The following CAPN13 variants were observed in gnomAD, a reference collection of about 807,000 sequenced individuals.
CAPN13 encodes the protein calpain-13.
A neutral mutation model predicts 98.4 loss-of-function variants in CAPN13; 90 were observed. The ratio of observed to expected loss-of-function variants is 0.92; its 90% CI spans 0.77 to 1.09. The LOEUF (loss-of-function observed/expected upper bound fraction) is 1.09, where lower values mean the gene tolerates loss of function less well. Among genes scored for constraint, CAPN13 ranks in the 50% least tolerant of loss-of-function variants. CAPN13 has a pLI of 0.00. For synonymous variants in CAPN13, 330 were observed against 305.5 expected, an observed-to-expected ratio of 1.08 and a Z score of -0.84; for missense variants, 887 against 841.3, an observed-to-expected ratio of 1.05 and a Z score of -0.67.
At chr2:30,733,926 G>A (rs191166915) in intron 19 of CAPN13, among the ~76,000 whole-genome samples, 126 of 152,316 alleles carry the variant, frequency 8.3e-4, no homozygotes, top group East Asian at 3.3e-3. Flanking sequence ...GAGATGACGC[G>A]AACAGAAGTG....
At position 30,745,733 on chromosome 2, in the gene CAPN13, GC is replaced by G. The variant is rs769100756; in HGVS notation, c.1237del (p.Ala413LeufsTer35). 2.5e-6 allele frequency: 4 copies of G among 1,596,176 alleles called. No individual in the cohort carries two copies. In the African/African-American group the frequency reaches 4.0e-5, roughly 16 times the overall value. ...KFPLDFQVILAGSQRFREKFP... is the reference protein window; with the variant it reads ...KFPLDFQVILXGSQRFREKFP... ...GACGCTGAGCCATACCTGTGAGCCA[GC>G]CTGTTGGAAACAGGGAGAAAGGCAG... On this transcript the variant is annotated frameshift_variant and splice_region_variant, in exon 12 of 23. Coordinates refer to ENST00000295055, the MANE Select transcript of CAPN13 (RefSeq NM_144575.3). LOFTEE classifies it high-confidence loss of function.
chr2:30,731,373 C>T lies in CAPN13; in HGVS notation c.1954G>A (p.Gly652Arg). 6.2e-7 allele frequency: 1 copy of T among 1,611,086 alleles called. No homozygotes were observed. The highest frequency in any genetic ancestry group is 1.1e-5 in the South Asian group (1 of 90,534). ...AKTFRNLSKDGKGLYLTEMEW... is the reference protein window; with the variant it reads ...AKTFRNLSKDRKGLYLTEMEW... ...ATTTCTGTCAGGTAGAGTCCTTTTC[C>T]ATCCTTAGAGAGGTTGCGGAAGGTC... The change falls in exon 21 of 23, where the codon GGA becomes AGA. Residue 652 changes from glycine to arginine, a missense_variant. Coordinates refer to ENST00000295055, the MANE Select transcript of CAPN13 (RefSeq NM_144575.3).
intron 2 of CAPN13, among the ~76,000 whole-genome samples, chr2:30,778,580 T>C (rs191977204): frequency 7.9e-5 from 12 of 152,322 alleles, no homozygotes; most frequent in Non-Finnish European, 1.6e-4. Flanking sequence ...CAAACTGGAA[T>C]TGGATTCATT....
intron 8 of CAPN13, among the ~76,000 whole-genome samples, chr2:30,756,178 C>T (rs1374743836): frequency 2.6e-5 from 4 of 152,172 alleles, no homozygotes. Flanking sequence ...ATGCCCATGC[C>T]TGCAGGGGAT....
At chr2:30,785,345 G>A (rs900647411) in intron 2 of CAPN13, among the ~76,000 whole-genome samples, 1 of 152,174 alleles carries the variant, frequency 6.6e-6, no homozygotes, top group African/African-American at 2.4e-5. Flanking sequence ...AGTATGAGAA[G>A]ACACATGGAA....
intron 1 of CAPN13, among the ~76,000 whole-genome samples, chr2:30,793,525 C>T (rs1271960145): frequency 6.6e-6 from 1 of 151,532 alleles, no homozygotes; most frequent in Non-Finnish European, 1.5e-5. Flanking sequence ...CCAAATTTCT[C>T]TATAGGTTCA....
Position 30,734,447 on chromosome 2 carries a change from A to G in CAPN13, c.1798+2T>C. On this transcript the variant is annotated splice_donor_variant, in intron 19 of 22. Coordinates refer to ENST00000295055, the MANE Select transcript of CAPN13 (RefSeq NM_144575.3). LOFTEE classifies it high-confidence loss of function. The stretch of plus-strand genomic sequence containing the variant: ...ACCACAGCTCCAAAGTCCCCATTGT[A>G]CCTGTATTCTCTATGGCCTTCCACA... 1 of 1,613,046 alleles carries G rather than the reference A, an allele frequency of 6.2e-7. No homozygotes were observed. Among genetic ancestry groups the G allele is most frequent in the Non-Finnish European group, 8.5e-7 (1 of 1,179,264 alleles).
At chr2:30,796,173 T>TATATATATATACACATATATATAC (rs1674855913) in intron 1 of CAPN13, among the ~76,000 whole-genome samples, 1 of 139,146 alleles carries the variant, frequency 7.2e-6, no homozygotes, top group African/African-American at 2.9e-5. Context: ...TATATGTGTG[T>TATATATATATACACATATATATAC]ATATATATAT....
intron 3 of CAPN13, among the ~76,000 whole-genome samples, chr2:30,776,977 C>T (rs1336160165): frequency 6.6e-6 from 1 of 152,204 alleles, no homozygotes; most frequent in African/African-American, 2.4e-5. Context: ...GGCAAGCTGA[C>T]GTTTTGAAAG....
intron 1 of CAPN13, among the ~76,000 whole-genome samples, chr2:30,787,946 G>C (rs6737223): frequency 0.15 from 22,638 of 152,052 alleles, 1,999 homozygotes; most frequent in East Asian, 0.31. Flanking sequence ...AGAGGGTGTG[G>C]GCAGGGACTG....
In CAPN13 at chr2:30,764,123, G is replaced by T. The variant is rs579016; in HGVS notation, c.699+9C>A. 0.9 allele frequency: 1,407,975 copies of T among 1,557,016 alleles called. 637,233 individuals are homozygous for T. The highest frequency in any genetic ancestry group is 0.94 in the Admixed American group (48,184 of 51,532). On this transcript the variant is annotated intron_variant, in intron 6 of 22. Coordinates refer to ENST00000295055, the MANE Select transcript of CAPN13 (RefSeq NM_144575.3). ...TGAACTGGTGCAAAAGGGCTCCCCAGTGACTTACCCCACTTGGAGTGGCAC... is the reference window on the plus strand; with the variant it reads ...TGAACTGGTGCAAAAGGGCTCCCCATTGACTTACCCCACTTGGAGTGGCAC...
In CAPN13 at chr2:30,754,282, G is replaced by C; in HGVS notation, c.941+8C>G. On this transcript the variant is annotated splice_region_variant and intron_variant, in intron 9 of 22. Coordinates refer to ENST00000295055, the MANE Select transcript of CAPN13 (RefSeq NM_144575.3). ...TTTAAAACACCATTGTATAAGAAGG[G>C]TAAATACCAAAACTCGCCATCTTCC... 6.3e-7 allele frequency: 1 copy of C among 1,599,568 alleles called. No homozygotes were observed. Among genetic ancestry groups the C allele is most frequent in the East Asian group, 2.3e-5 (1 of 44,160 alleles).
At chr2:30,745,773 G>A (rs746229546) in intron 11 of CAPN13, 39 bp from the exon 12 acceptor site, 1 of 1,586,418 alleles carries the variant, frequency 6.3e-7, no homozygotes, top group South Asian at 1.1e-5. Context: ...TAGGAACTCA[G>A]ACGTAAACAA....
intron 2 of CAPN13, among the ~76,000 whole-genome samples, chr2:30,782,195 T>C (rs1296457947): frequency 6.6e-6 from 1 of 152,138 alleles, no homozygotes; most frequent in Non-Finnish European, 1.5e-5. Context: ...AATAATGTCT[T>C]CCATGTGACA....
intron 15 of CAPN13, chr2:30,741,552 G>A (rs1324478258): frequency 1.9e-6 from 2 of 1,071,942 alleles, no homozygotes; most frequent in Non-Finnish European, 2.3e-6. Context: ...GAGGAACGAT[G>A]CCAGGTTGGT....
Position 30,732,530 on chromosome 2 carries a change from A to G in CAPN13, c.1835T>C (p.Leu612Pro). ...LRGIFISREL[L>P]HLVTLRYSDS... ...GCTGTACCTGAGGGTCACCAGATGC[A>G]GCAGCTCACGGCTGATGAAGATCCC... The change falls in exon 20 of 23, where the codon CTG (leucine) becomes CCG (proline). Residue 612 changes from leucine to proline, a missense_variant. By Grantham distance (98) the Leu-to-Pro change is moderately conservative. Transcript: ENST00000295055. The G allele has an allele frequency of 6.2e-7, 1 of 1,611,102 alleles. No individual in the cohort carries two copies. The highest frequency in any genetic ancestry group is 1.1e-5 in the South Asian group (1 of 90,404).
chr2:30,802,547 G>T (rs545372796), intron 1 of CAPN13, among the ~76,000 whole-genome samples: 15 of 142,748 alleles, frequency 1.1e-4, no homozygotes, highest in South Asian at 4.3e-4. Flanking sequence ...CAGGCTGGGG[G>T]GGGGGGGTGG....
chr2:30,765,039 G>C (rs901850463), intron 5 of CAPN13, among the ~76,000 whole-genome samples: 1 of 152,050 alleles, frequency 6.6e-6, no homozygotes, highest in East Asian at 1.9e-4. Context: ...CTTCTCCAAA[G>C]CATCTCTTCC....
At chr2:30,799,202 G>C (rs1033112979) in intron 1 of CAPN13, among the ~76,000 whole-genome samples, 8 of 151,970 alleles carry the variant, frequency 5.3e-5, no homozygotes, top group African/African-American at 9.7e-5. Flanking sequence ...GAGTGGGTGG[G>C]AGAGAGAGGG....
Sources: gnomAD v4.1 joint callset for allele counts (sites outside exome capture counted in the v4.1 genomes callset) on GRCh38, gnomAD v4.1.1 for gene constraint, MANE v1.5 for transcripts, NCBI Gene and HGNC (gene_info 2026-07-23, HGNC 2026-07-21) for gene names.